Variants in EIF2S2 observed in about 807,000 individuals in gnomAD.
EIF2S2 encodes eukaryotic translation initiation factor 2 subunit beta, also known as eukaryotic translation initiation factor 2 subunit 2.
EIF2S2 carries 4 observed loss-of-function variants against 44.0 expected under a neutral mutation model. The ratio of observed to expected loss-of-function variants is 0.09; its 90% CI spans 0.04 to 0.21. The LOEUF is 0.21. Among genes scored for constraint, EIF2S2 ranks in the 10% least tolerant of loss-of-function variants. The pLI is 1.00. For missense variants in EIF2S2, 154 were observed against 392.0 expected, an observed-to-expected ratio of 0.39 and a Z score of 5.13; for synonymous variants, 108 against 128.3, an observed-to-expected ratio of 0.84 and a Z score of 1.07.
chr20:34,101,066 A>G (rs1316073561), intron 3 of EIF2S2, among the ~76,000 whole-genome samples: 1 of 152,222 alleles, frequency 6.6e-6, no homozygotes, highest in Admixed American at 6.5e-5. Context: ...CCAGCAGAAA[A>G]GTTGGAATAG....
Position 34,089,450 on chromosome 20 carries a change from A to C in EIF2S2, c.*280T>G. 2.7e-6 allele frequency: 1 copy of C among 364,042 alleles called. No individual in the cohort carries two copies. Among genetic ancestry groups the C allele is most frequent in the Non-Finnish European group, 4.9e-6 (1 of 204,490 alleles). 22.6% of individuals were successfully genotyped at this position (364,042 alleles called of 1,614,324 possible). A position where few individuals can be genotyped will look rare whatever the true frequency, so the allele number is the denominator to read the frequency against. ...ACCAAATTGAAAGAATCACTGTTATAATAACTTTAATTTATCTTGCATTTT... is the reference window on the plus strand; with the variant it reads ...ACCAAATTGAAAGAATCACTGTTATCATAACTTTAATTTATCTTGCATTTT... On this transcript the variant is annotated 3_prime_UTR_variant, in exon 9 of 9. Transcript: ENST00000374980.
intron 1 of EIF2S2, chr20:34,108,416 C>G (rs983394936): frequency 1.3e-5 from 2 of 152,110 alleles, no homozygotes; most frequent in African/African-American, 4.8e-5. Flanking sequence ...AAATAAGGAC[C>G]AGGGATCCCG....
intron 5 of EIF2S2, 32 bp downstream of exon 5, chr20:34,097,384 T>A (rs2034241625): frequency 6.4e-7 from 1 of 1,554,660 alleles, no homozygotes; most frequent in Admixed American, 1.7e-5. Flanking sequence ...AGTGAATAGC[T>A]TAGCCCCTTT....
intron 1 of EIF2S2, 100 bp from the exon 2 acceptor site, chr20:34,105,645 A>G (rs2122431360): frequency 8.7e-7 from 1 of 1,144,914 alleles, no homozygotes; most frequent in Non-Finnish European, 1.2e-6. Context: ...CTCTTAAAAG[A>G]GTATGTGATA....
chr20:34,107,170 T>A (rs2034359366), intron 1 of EIF2S2, among the ~76,000 whole-genome samples: 1 of 151,644 alleles, frequency 6.6e-6, no homozygotes, highest in African/African-American at 2.4e-5. Context: ...AGAGCAAGAC[T>A]CGGTCTCGAA....
At chr20:34,099,408 G>A (rs541290839) in intron 3 of EIF2S2, among the ~76,000 whole-genome samples, 121 of 152,058 alleles carry the variant, frequency 8.0e-4, no homozygotes, top group African/African-American at 2.8e-3. Context: ...AGTTTAAATC[G>A]GATTGATGAT....
chr20:34,093,932 G>A (rs1226541728), intron 6 of EIF2S2, among the ~76,000 whole-genome samples: 1 of 152,034 alleles, frequency 6.6e-6, no homozygotes, highest in Non-Finnish European at 1.5e-5. Flanking sequence ...TTGTTTTATT[G>A]CCCAGGCTGG....
intron 6 of EIF2S2, 123 bp from the exon 7 acceptor site, chr20:34,093,854 T>C (rs2034197085): frequency 2.5e-6 from 2 of 812,948 alleles, no homozygotes; most frequent in African/African-American, 1.7e-5. Context: ...CACTGCACCA[T>C]TTATTTAAAC....
rs758559917 is a variant in EIF2S2, at chr20:34,112,083, C to T, written c.15+13G>A. The stretch of plus-strand genomic sequence containing the variant: ...CTCAATCCTTAGCCCTTACGCCGGG[C>T]TCAGATCCTCACCTCGTCCCCAGAC... On this transcript the variant is annotated intron_variant, in intron 1 of 8. Coordinates refer to ENST00000374980, the MANE Select transcript of EIF2S2 (RefSeq NM_003908.5). The T allele has an allele frequency of 6.4e-7, 1 of 1,555,654 alleles. No homozygotes were observed. The highest frequency in any genetic ancestry group is 1.2e-5 in the South Asian group (1 of 84,080).
chr20:34,090,101 A>G (rs1284849749), intron 8 of EIF2S2, among the ~76,000 whole-genome samples, 196 bp from the exon 9 acceptor site: 3 of 152,240 alleles, frequency 2.0e-5, no homozygotes, highest in African/African-American at 7.2e-5. Flanking sequence ...GGCACTAAAC[A>G]TGGGCTGATA....
chr20:34,093,786 C>T, intron 6 of EIF2S2, 55 bp from the exon 7 acceptor site: 1 of 1,464,696 alleles, frequency 6.8e-7, no homozygotes, highest in South Asian at 1.3e-5. Context: ...TCTCACCAAA[C>T]TTCTAAAAAA....
chr20:34,107,179 A>G (rs543655043), intron 1 of EIF2S2, among the ~76,000 whole-genome samples: 140 of 147,478 alleles, frequency 9.5e-4, no homozygotes, highest in Non-Finnish European at 1.6e-3. Context: ...CTCGGTCTCG[A>G]AAAAAAAAAA....
intron 6 of EIF2S2, among the ~76,000 whole-genome samples, chr20:34,095,411 C>T (rs1224793324): frequency 2.0e-5 from 3 of 150,004 alleles, no homozygotes; most frequent in Admixed American, 6.7e-5. Flanking sequence ...CTCCCAGGTT[C>T]AAGTGATTCT....
rs2034314307 is a variant in EIF2S2 at position 34,103,337 on chromosome 20, A to T, written c.297+125T>A. On this transcript the variant is annotated intron_variant, in intron 3 of 8. Coordinates refer to ENST00000374980, the MANE Select transcript of EIF2S2 (RefSeq NM_003908.5). ...ACACTCCCAAGAAAATGACGCTACC[A>T]GTGGCAATTAAGTGCTAATAACAAA... The T allele has an allele frequency of 2.3e-6, 3 of 1,278,908 alleles. No homozygotes were observed. The East Asian group carries it at 8.9e-5, about 38-fold the overall frequency. 79.2% of individuals were successfully genotyped at this position (1,278,908 alleles called of 1,614,324 possible). A position where few individuals can be genotyped will look rare whatever the true frequency, so the allele number is the denominator to read the frequency against.
At chr20:34,105,678 T>C (rs2034341599) in intron 1 of EIF2S2, 133 bp from the exon 2 acceptor site, 2 of 833,712 alleles carry the variant, frequency 2.4e-6, no homozygotes, top group East Asian at 5.9e-5. Flanking sequence ...AAAGGGGAGT[T>C]TACCAAAAAA....
intron 6 of EIF2S2, among the ~76,000 whole-genome samples, chr20:34,095,840 T>G (rs1416843138): frequency 6.6e-6 from 1 of 152,202 alleles, no homozygotes; most frequent in Non-Finnish European, 1.5e-5. Flanking sequence ...ACAACAAGCA[T>G]GTAGCACTTA....
At chr20:34,106,409 T>C (rs2034350136) in intron 1 of EIF2S2, among the ~76,000 whole-genome samples, 1 of 150,268 alleles carries the variant, frequency 6.7e-6, no homozygotes, top group African/African-American at 2.5e-5. Context: ...CTCTGCTTTT[T>C]GTTTAACATT....
intron 1 of EIF2S2, among the ~76,000 whole-genome samples, chr20:34,108,584 A>G (rs1019617815): frequency 6.6e-6 from 1 of 152,262 alleles, no homozygotes; most frequent in Non-Finnish European, 1.5e-5. Flanking sequence ...AAAAGCAAAT[A>G]GCTGTTGACA....
chr20:34,097,532 AT>A lies in EIF2S2; in HGVS notation c.434-17del. The A allele has an allele frequency of 6.2e-7, 1 of 1,606,438 alleles. No homozygotes were observed. The highest frequency in any genetic ancestry group is 8.5e-7 in the Non-Finnish European group (1 of 1,176,866). ...TCTTCTAGAGCTACAGATAAAAAAG[AT>A]TTTAAGAATGAGGGGTGGGCCCTAC... On this transcript the variant is annotated splice_polypyrimidine_tract_variant and intron_variant, in intron 4 of 8. Transcript: ENST00000374980.
Sources: gnomAD v4.1 joint callset for allele counts (sites outside exome capture counted in the v4.1 genomes callset) on GRCh38, gnomAD v4.1.1 for gene constraint, MANE v1.5 for transcripts, NCBI Gene and HGNC (gene_info 2026-07-23, HGNC 2026-07-21) for gene names.